Variants in SGCZ observed in about 807,000 individuals in gnomAD.
SGCZ encodes zeta-sarcoglycan.
Under a neutral mutation model 41.3 loss-of-function variants are expected in SGCZ, and 40 were observed. That is an observed-to-expected ratio of 0.97 (90% CI 0.75 to 1.26). The LOEUF is 1.26. Ranked by LOEUF, SGCZ falls within the 50% of genes most tolerant of loss-of-function variation. The pLI is 0.00. For synonymous variants in SGCZ, 206 were observed against 137.5 expected (o/e 1.50, Z -3.49); for missense variants, 552 against 369.8 (o/e 1.49, Z -4.04).
chr8:14,631,243 G>A (rs1030618119), intron 1 of SGCZ, among the ~76,000 whole-genome samples: 6 of 151,530 alleles, frequency 4.0e-5, no homozygotes, highest in African/African-American at 1.2e-4. Context: ...TTAAGTGATC[G>A]GCTAATGTAA....
intron 4 of SGCZ, among the ~76,000 whole-genome samples, chr8:14,225,850 G>T (rs917593544): frequency 6.6e-6 from 1 of 151,994 alleles, no homozygotes; most frequent in Non-Finnish European, 1.5e-5. Context: ...CAATAAGAAG[G>T]CTTGAGTTAT....
At chr8:14,875,217 T>C (rs1804305856) in intron 1 of SGCZ, among the ~76,000 whole-genome samples, 1 of 152,172 alleles carries the variant, frequency 6.6e-6, no homozygotes, top group African/African-American at 2.4e-5. Context: ...AGACAACAGA[T>C]ATGTCCTCAC....
At chr8:15,138,595 G>C (rs1171112010) in intron 1 of SGCZ, among the ~76,000 whole-genome samples, 1 of 152,124 alleles carries the variant, frequency 6.6e-6, no homozygotes, top group Non-Finnish European at 1.5e-5. Context: ...ACAAGATCTG[G>C]TGGTTTTATA....
At chr8:14,419,034 T>G (rs978171766) in intron 2 of SGCZ, among the ~76,000 whole-genome samples, 12 of 151,964 alleles carry the variant, frequency 7.9e-5, no homozygotes, top group African/African-American at 2.9e-4. Context: ...ATTACATATC[T>G]ACTAACACTT....
At chr8:14,872,203 G>A (rs1447310481) in intron 1 of SGCZ, among the ~76,000 whole-genome samples, 1 of 152,076 alleles carries the variant, frequency 6.6e-6, no homozygotes. Flanking sequence ...AGCATTAGGA[G>A]AAATACCTAA....
At position 14,626,122 on chromosome 8, in the gene SGCZ, G is replaced by A. The variant is rs73664410; in HGVS notation, c.40-71196C>T. ...CATAACACAGAGTTATATCTTCTTT[G>A]CTATCTCTCAGTCTTTTTGTTTTAT... On this transcript the variant is annotated intron_variant, in intron 1 of 7. Coordinates refer to ENST00000382080, the MANE Select transcript of SGCZ (RefSeq NM_139167.4). 2.3e-3 allele frequency among the ~76,000 whole-genome samples: 356 copies of A among 152,076 alleles called. 2 individuals carry two copies. The highest frequency in any genetic ancestry group is 8.1e-3 in the African/African-American group (336 of 41,482).
At chr8:14,958,377 T>G (rs554355899) in intron 1 of SGCZ, among the ~76,000 whole-genome samples, 1 of 152,070 alleles carries the variant, frequency 6.6e-6, no homozygotes, top group East Asian at 1.9e-4. Context: ...TGTGGTATGT[T>G]CATACAATGG....
intron 2 of SGCZ, among the ~76,000 whole-genome samples, chr8:14,389,802 A>T (rs562379159): frequency 8.5e-4 from 130 of 152,156 alleles, no homozygotes; most frequent in Non-Finnish European, 1.4e-3. Context: ...TATGACTAAT[A>T]TTTGAGAATG....
At chr8:14,422,334 T>A (rs761653464) in intron 2 of SGCZ, among the ~76,000 whole-genome samples, 7 of 152,220 alleles carry the variant, frequency 4.6e-5, no homozygotes, top group Non-Finnish European at 8.8e-5. Context: ...AAGTTGACTA[T>A]ACAATACATA....
intron 2 of SGCZ, among the ~76,000 whole-genome samples, chr8:14,429,670 T>A (rs1007562142): frequency 2.0e-5 from 3 of 152,186 alleles, no homozygotes; most frequent in African/African-American, 7.2e-5. Context: ...GGCTCTAAAA[T>A]CAATGACTAG....
intron 2 of SGCZ, among the ~76,000 whole-genome samples, chr8:14,352,411 A>C (rs1337419932): frequency 6.6e-6 from 1 of 152,034 alleles, no homozygotes; most frequent in East Asian, 1.9e-4. Context: ...AAATGTGTAA[A>C]GAAAGGGAAG....
At chr8:14,111,745 T>G (rs992882724) in intron 5 of SGCZ, among the ~76,000 whole-genome samples, 1 of 152,158 alleles carries the variant, frequency 6.6e-6, no homozygotes, top group Non-Finnish European at 1.5e-5. Context: ...ATTCATATGA[T>G]AATTTCTGGC....
intron 3 of SGCZ, among the ~76,000 whole-genome samples, chr8:14,283,060 A>T (rs1800503997): frequency 6.6e-6 from 1 of 151,706 alleles, no homozygotes; most frequent in South Asian, 2.1e-4. Flanking sequence ...CGTGTTAGCC[A>T]GGATGCTCTC....
intron 5 of SGCZ, among the ~76,000 whole-genome samples, chr8:14,122,991 T>C (rs557280118): frequency 6.6e-6 from 1 of 152,344 alleles, no homozygotes; most frequent in East Asian, 1.9e-4. Context: ...AAAGTGAATC[T>C]TTTTAGTCAA....
intron 1 of SGCZ, among the ~76,000 whole-genome samples, chr8:14,602,146 A>G (rs980187875): frequency 1.7e-4 from 26 of 152,094 alleles, no homozygotes; most frequent in African/African-American, 5.6e-4. Context: ...ATAATAAAAT[A>G]AAATAAAAAA....
intron 5 of SGCZ, among the ~76,000 whole-genome samples, chr8:14,115,887 T>C (rs538372240): frequency 6.6e-6 from 1 of 151,992 alleles, no homozygotes; most frequent in East Asian, 1.9e-4. Context: ...TAGATTACTT[T>C]CTGAAGAGAA....
At chr8:14,508,899 A>G (rs532717015) in intron 2 of SGCZ, among the ~76,000 whole-genome samples, 1 of 152,312 alleles carries the variant, frequency 6.6e-6, no homozygotes, top group East Asian at 1.9e-4. Context: ...TAACTAAATG[A>G]TAATAGAAGG....
intron 1 of SGCZ, among the ~76,000 whole-genome samples, chr8:14,639,041 T>A (rs201762860): frequency 0.21 from 25,755 of 120,034 alleles, 2,423 homozygotes; most frequent in Admixed American, 0.28. Flanking sequence ...CTGGAATCTT[T>A]TTTTTTTTTT....
chr8:14,470,980 C>G (rs1270709669), intron 2 of SGCZ, among the ~76,000 whole-genome samples: 1 of 152,084 alleles, frequency 6.6e-6, no homozygotes, highest in Non-Finnish European at 1.5e-5. Context: ...CAGTAAGAGG[C>G]GCTACCCTAA....
Sources: allele counts gnomAD v4.1 joint callset (sites outside exome capture counted in the v4.1 genomes callset), GRCh38; gene constraint gnomAD v4.1.1; transcripts MANE v1.5; gene names NCBI Gene and HGNC (gene_info 2026-07-23, HGNC 2026-07-21).